The following NOS2 variants were observed in gnomAD, a reference collection of about 807,000 sequenced individuals.
NOS2 encodes nitric oxide synthase, inducible.
NOS2 carries 96 observed loss-of-function variants against 136.0 expected under a neutral mutation model. That is an observed-to-expected ratio of 0.71 (90% CI 0.60 to 0.84). The LOEUF (loss-of-function observed/expected upper bound fraction) is 0.84. NOS2 is among the 40% of genes least tolerant of loss of function. NOS2 has a pLI of 0.00. For synonymous variants in NOS2, 539 were observed against 587.5 expected (o/e 0.92, Z 1.20); for missense variants, 1,237 against 1,496.9 (o/e 0.83, Z 2.87).
intron 2 of NOS2, among the ~76,000 whole-genome samples, chr17:27,793,411 C>T (rs189045044): frequency 6.6e-6 from 1 of 152,336 alleles, no homozygotes; most frequent in Admixed American, 6.5e-5. Context: ...GCCGCCTGGG[C>T]TCCTGAATTG....
chr17:27,762,810 A>G lies in NOS2; in HGVS notation c.2788T>C (p.Tyr930His), dbSNP rs202029754. 6.4e-7 allele frequency: 1 copy of G among 1,551,110 alleles called. No homozygotes were observed. Among genetic ancestry groups the G allele is most frequent in the Non-Finnish European group, 8.7e-7 (1 of 1,147,948 alleles). ...EIHLTVAVVT[Y>H]HTRDGQGPLH... is the part of the protein sequence containing the mutation. ...GCCCCTGGCTCACCTCGGGTGTGGTAGGTGACCACGGCCACAGTCAGGTGG... is the reference window on the plus strand; with the variant it reads ...GCCCCTGGCTCACCTCGGGTGTGGTGGGTGACCACGGCCACAGTCAGGTGG... The change falls in exon 22 of 27, where the codon TAC becomes CAC. Residue 930 changes from tyrosine (Y) to histidine (H), a missense_variant. Physicochemically the swap from Tyr to His is moderately conservative, Grantham distance 83 (BLOSUM62 2). This residue lies in a region of NOS2 where 782 missense variants were observed against 909.9 expected (regional missense o/e 0.86). Coordinates refer to ENST00000313735, the MANE Select transcript of NOS2 (RefSeq NM_000625.4).
chr17:27,762,241 C>T (rs1185890360), intron 22 of NOS2, among the ~76,000 whole-genome samples: 2 of 152,176 alleles, frequency 1.3e-5, no homozygotes, highest in Non-Finnish European at 2.9e-5. Context: ...TCCACTGCCG[C>T]CTCTAGATGC....
At chr17:27,770,881 C>T (rs1435951192) in intron 15 of NOS2, 32 bp downstream of exon 15, 1 of 1,546,408 alleles carries the variant, frequency 6.5e-7, no homozygotes, top group Non-Finnish European at 8.9e-7. Flanking sequence ...GCCCTACCAC[C>T]CCCTAGACCA....
rs762375822 is a variant in NOS2, at chr17:27,774,373, G to A, written c.1360C>T (p.Arg454Cys). The change falls in exon 12 of 27, where the codon CGT becomes TGT. Residue 454 changes from arginine to cysteine, a missense_variant. Physicochemically the swap from Arg to Cys is radical, Grantham distance 180. Around this residue, in one of 3 missense-constraint regions of NOS2, gnomAD observed 782 missense variants for 909.9 expected, o/e 0.86. Transcript: ENST00000313735. ...ATCCAGTCTGCCGGGCAGCCCCCAC[G>A]GGACCGGTATTCATTCTGCATGTAC... ...MKYMQNEYRSRGGCPADWIWL... is the reference protein window; with the variant it reads ...MKYMQNEYRSCGGCPADWIWL... The A allele has an allele frequency of 1.6e-5, 25 of 1,582,648 alleles. No homozygotes were observed. Among genetic ancestry groups the A allele is most frequent in the East Asian group, 4.8e-5 (2 of 42,078 alleles).
rs186183840 is a variant in NOS2, at chr17:27,784,667, T to C, written c.468-1561A>G. Among the ~76,000 whole-genome samples, 21 of 152,370 alleles carry C rather than the reference T, an allele frequency of 1.4e-4. No individual in the cohort carries two copies. The East Asian group carries it at 3.3e-3, about 24-fold the overall frequency. On this transcript the variant is annotated intron_variant, in intron 5 of 26. Coordinates refer to ENST00000313735, the MANE Select transcript of NOS2 (RefSeq NM_000625.4). ...GGCATTAGAAATGCTATGATGTCTA[T>C]GAGCTCTGAAAAAAAGGAGTGGCTT...
chr17:27,763,079 A>G, intron 21 of NOS2, 74 bp from the exon 22 acceptor site: 1 of 892,208 alleles, frequency 1.1e-6, no homozygotes. Context: ...ACAACCCAGT[A>G]TTCATTCATT....
At chr17:27,780,648 T>G (rs1191814880) in intron 9 of NOS2, 119 bp downstream of exon 9, 3 of 1,300,992 alleles carry the variant, frequency 2.3e-6, no homozygotes, top group Non-Finnish European at 3.3e-6. Flanking sequence ...GCCCCCTGAG[T>G]GTCACCTGCT....
chr17:27,793,461 T>A, intron 2 of NOS2: 1 of 391,696 alleles, frequency 2.6e-6, no homozygotes, highest in East Asian at 3.6e-5. Flanking sequence ...ACGCTTTTAG[T>A]AAACCCTCAG....
At chr17:27,762,765 G>A (rs758529658) in intron 22 of NOS2, 33 bp downstream of exon 22, 20 of 1,440,534 alleles carry the variant, frequency 1.4e-5, no homozygotes, top group South Asian at 1.0e-4. Context: ...TGGGCGGAGC[G>A]GGGCTGTTCC....
chr17:27,780,669 C>T, intron 9 of NOS2, 98 bp downstream of exon 9: 1 of 1,521,942 alleles, frequency 6.6e-7, no homozygotes, highest in Non-Finnish European at 9.1e-7. Context: ...GCTGGCTGGG[C>T]TTTAGGGAAG....
At chr17:27,759,132 G>T in intron 25 of NOS2, 57 bp from the exon 26 acceptor site, 1 of 1,333,206 alleles carries the variant, frequency 7.5e-7, no homozygotes, top group Non-Finnish European at 1.0e-6. Flanking sequence ...AAGGCTTGCA[G>T]GCAGGCCTGC....
Position 27,796,487 on chromosome 17 carries a change from AG to A in NOS2, c.110+2212del, listed in dbSNP as rs992201069. On this transcript the variant is annotated intron_variant, in intron 2 of 26. Transcript: ENST00000313735. The stretch of plus-strand genomic sequence containing the variant: ...TAATAATAAAAAATAAAAATAGAAA[AG>A]AAAAAAATAGGGGATGAGTTGGGTC... Among the ~76,000 whole-genome samples the A allele has an allele frequency of 3.0e-4, 45 of 152,114 alleles. 1 individual carries two copies. Among genetic ancestry groups the A allele is most frequent in the African/African-American group, 1.0e-3 (43 of 41,418 alleles).
At chr17:27,786,351 GGGA>G (rs1253868052) in intron 5 of NOS2, among the ~76,000 whole-genome samples, 3 of 151,528 alleles carry the variant, frequency 2.0e-5, no homozygotes, top group Non-Finnish European at 4.4e-5. Flanking sequence ...GCTTAAACCC[GGGA>G]GGCAGAGGTT....
At chr17:27,800,037 A>G (rs191351713) in intron 1 of NOS2, among the ~76,000 whole-genome samples, 30 of 152,340 alleles carry the variant, frequency 2.0e-4, no homozygotes, top group African/African-American at 6.7e-4. Context: ...GTTACATGTT[A>G]TAAGGACTGA....
chr17:27,757,129 T>G lies in NOS2; in HGVS notation c.*117A>C, dbSNP rs184843187. The G allele has an allele frequency of 9.4e-6, 7 of 745,144 alleles. No individual in the cohort carries two copies. Among genetic ancestry groups the G allele is most frequent in the Non-Finnish European group, 1.5e-5 (7 of 465,672 alleles). The allele number at this position is 745,144 out of a possible 1,614,324, so 46.2% of individuals were successfully genotyped here. A position where few individuals can be genotyped will look rare whatever the true frequency, so the allele number is the denominator to read the frequency against. On this transcript the variant is annotated 3_prime_UTR_variant, in exon 27 of 27. Transcript: ENST00000313735. ...GGGAGCAACGTTGAGGAAATAAGAC[T>G]TGAGGCTGGGGGATATCACTTTCCT...
chr17:27,781,147 A>G lies in NOS2; in HGVS notation c.753T>C (p.Ser251=), dbSNP rs1261821641. ...ACACCCGGAAGTCGTGCTTGCCATCACTCCGCTGGGGGAACACGGTGATGG... is the reference window on the plus strand; with the variant it reads ...ACACCCGGAAGTCGTGCTTGCCATCGCTCCGCTGGGGGAACACGGTGATGG... ...RSAITVFPQR[S]DGKHDFRVWN... Residue 251 remains serine, a synonymous_variant, in exon 8 of 27, where the codon AGT becomes AGC. Transcript: ENST00000313735. 9.9e-6 allele frequency: 16 copies of G among 1,610,688 alleles called. No individual in the cohort carries two copies. Among genetic ancestry groups the G allele is most frequent in the Non-Finnish European group, 1.3e-5 (15 of 1,179,942 alleles).
At chr17:27,769,405 C>A (rs773773249) in intron 16 of NOS2, 130 bp downstream of exon 16, 3 of 844,114 alleles carry the variant, frequency 3.6e-6, no homozygotes, top group East Asian at 2.5e-5. Context: ...TGAGTACAGA[C>A]CTTAGACCCA....
rs199558669 is a variant in NOS2 at position 27,774,283 on chromosome 17, C to T, written c.1450G>A (p.Val484Ile). ...PVFHQEMLNY[V>I]LSPFYYYQVE... ...TGATAGTAGTAGAAAGGGGACAGGA[C>T]GTAGTTCAGCATCTCCTGGTGAAAC... The change falls in exon 12 of 27, where the codon GTC becomes ATC. Residue 484 changes from valine (V) to isoleucine (I), a missense_variant. Physicochemically the swap from Val to Ile is conservative, Grantham distance 29. Coordinates refer to ENST00000313735, the MANE Select transcript of NOS2 (RefSeq NM_000625.4). 68 of 1,535,014 alleles carry T rather than the reference C, an allele frequency of 4.4e-5. No homozygotes were observed. The highest frequency in any genetic ancestry group is 5.3e-5 in the Non-Finnish European group (61 of 1,142,828).
At chr17:27,789,518 TC>T in intron 3 of NOS2, 85 bp downstream of exon 3, 3 of 1,082,590 alleles carry the variant, frequency 2.8e-6, no homozygotes, top group Non-Finnish European at 4.2e-6. Flanking sequence ...TCCTGCCCTC[TC>T]CAGCCCAGCT....
Sources: gnomAD v4.1 joint callset for allele counts (sites outside exome capture counted in the v4.1 genomes callset) on GRCh38, gnomAD v4.1.1 for gene constraint, gnomAD v4.1.1 regional missense constraint, MANE v1.5 for transcripts, NCBI Gene and HGNC (gene_info 2026-07-23, HGNC 2026-07-21) for gene names.